Variants in TMEM273 observed in about 807,000 individuals in gnomAD.
The protein encoded by TMEM273 is chromosome 10 open reading frame 128.
TMEM273 carries 19 observed loss-of-function variants against 17.9 expected under a neutral mutation model. That is an observed-to-expected ratio of 1.06 (90% confidence interval 0.74 to 1.55). The LOEUF (loss-of-function observed/expected upper bound fraction) is 1.55. Among genes scored for constraint, TMEM273 ranks in the 40% most tolerant of loss-of-function variants. The pLI is 0.00. For missense variants in TMEM273, 194 were observed against 155.6 expected, an observed-to-expected ratio of 1.25 and a Z score of -1.31; for synonymous variants, 66 against 62.0, an observed-to-expected ratio of 1.07 and a Z score of -0.31.
intron 1 of TMEM273, among the ~76,000 whole-genome samples, chr10:49,186,123 A>AAGAAGAAGAGG (rs1564652601): frequency 2.5e-5 from 2 of 78,606 alleles, no homozygotes; most frequent in Admixed American, 2.2e-4. Context: ...AGAAGAAGAA[A>AAGAAGAAGAGG]AAGAGGAAGA....
chr10:49,188,206 G>T (rs1847840390), intron 1 of TMEM273, 88 bp downstream of exon 1: 2 of 1,408,822 alleles, frequency 1.4e-6, no homozygotes, highest in Admixed American at 3.5e-5. Flanking sequence ...TTATGTTTTA[G>T]GGATCAAGCC....
chr10:49,185,367 A>T (rs1847598131), intron 1 of TMEM273, among the ~76,000 whole-genome samples: 1 of 152,048 alleles, frequency 6.6e-6, no homozygotes, highest in African/African-American at 2.4e-5. Context: ...CCTGGATGCC[A>T]CAGAGGGACT....
chr10:49,180,157 A>G (rs558590538), intron 1 of TMEM273, among the ~76,000 whole-genome samples: 49 of 152,278 alleles, frequency 3.2e-4, no homozygotes, highest in African/African-American at 1.1e-3. Flanking sequence ...CCTTCCTGCT[A>G]GGAAAGAGTC....
intron 5 of TMEM273, among the ~76,000 whole-genome samples, chr10:49,163,111 C>G (rs2002728): frequency 2.6e-5 from 4 of 151,842 alleles, no homozygotes; most frequent in African/African-American, 7.2e-5. Flanking sequence ...CAGAGCTGCC[C>G]GGGGCAAAGG....
chr10:49,176,164 G>A (rs771385581), intron 1 of TMEM273, among the ~76,000 whole-genome samples: 19 of 152,192 alleles, frequency 1.2e-4, no homozygotes, highest in Non-Finnish European at 5.9e-5. Flanking sequence ...TGCACAGAGT[G>A]AGGTGCAGGC....
At chr10:49,163,228 C>T (rs1433823449) in intron 5 of TMEM273, among the ~76,000 whole-genome samples, 2 of 151,862 alleles carry the variant, frequency 1.3e-5, no homozygotes, top group Admixed American at 1.3e-4. Flanking sequence ...CGGCATGTTT[C>T]TTCTATAAAA....
chr10:49,175,861 G>A (rs1846925433), intron 1 of TMEM273, among the ~76,000 whole-genome samples: 1 of 152,204 alleles, frequency 6.6e-6, no homozygotes, highest in Non-Finnish European at 1.5e-5. Flanking sequence ...TGGTTGGGTG[G>A]ACAGTGGTAT....
At chr10:49,181,217 G>T (rs1030477934) in intron 1 of TMEM273, among the ~76,000 whole-genome samples, 5 of 152,060 alleles carry the variant, frequency 3.3e-5, no homozygotes, top group African/African-American at 1.2e-4. Context: ...AATCCAGAAG[G>T]ATCTTAATAA....
chr10:49,169,333 C>T (rs544877844), intron 1 of TMEM273, among the ~76,000 whole-genome samples: 125 of 152,366 alleles, frequency 8.2e-4, no homozygotes, highest in African/African-American at 2.9e-3. Context: ...CAAAGACATC[C>T]TCCACCCAAC....
At chr10:49,168,013 C>T (rs753411205) in intron 1 of TMEM273, 51 bp from the exon 2 acceptor site, 2 of 1,605,916 alleles carry the variant, frequency 1.2e-6, no homozygotes, top group East Asian at 4.5e-5. Flanking sequence ...TGGCTGTGGT[C>T]CCAGCTACCC....
chr10:49,168,722 G>GAGGT (rs1846362801), intron 1 of TMEM273, among the ~76,000 whole-genome samples: 1 of 144,136 alleles, frequency 6.9e-6, no homozygotes, highest in Non-Finnish European at 1.5e-5. Flanking sequence ...GGGAGGGAGG[G>GAGGT]TGGGAAGGAA....
At chr10:49,173,854 A>G (rs758019221) in intron 1 of TMEM273, among the ~76,000 whole-genome samples, 7 of 152,156 alleles carry the variant, frequency 4.6e-5, no homozygotes, top group Non-Finnish European at 2.9e-5. Context: ...TCAGCCACAG[A>G]GAGACAAGGG....
chr10:49,165,424 C>T (rs753680294), intron 4 of TMEM273, 141 bp from the exon 5 acceptor site: 28 of 1,502,476 alleles, frequency 1.9e-5, no homozygotes, highest in Middle Eastern at 2.4e-4. Flanking sequence ...GGACAAACCA[C>T]GTGTGACCTC....
intron 6 of TMEM273, among the ~76,000 whole-genome samples, chr10:49,156,814 G>A (rs1845541095): frequency 6.6e-6 from 1 of 152,176 alleles, no homozygotes; most frequent in African/African-American, 2.4e-5. Flanking sequence ...TAATGGTCAG[G>A]GATATAGAGC....
intron 1 of TMEM273, 72 bp downstream of exon 1, chr10:49,188,222 G>A: frequency 6.5e-7 from 1 of 1,550,182 alleles, no homozygotes; most frequent in Non-Finnish European, 8.9e-7. Flanking sequence ...AAGCCCCAGT[G>A]GGCTAAGGCT....
In TMEM273 at chr10:49,187,850, G is replaced by A. The variant is rs74328418; in HGVS notation, c.43+444C>T. ...CTGATTCAACATTAAATGTATACCA[G>A]TATCTACATGCCTACATGTTCTCAT... On this transcript the variant is annotated intron_variant, in intron 1 of 6. Coordinates refer to ENST00000374153, the MANE Select transcript of TMEM273 (RefSeq NM_001288740.3). Among the ~76,000 whole-genome samples, 316 of 152,304 alleles carry A rather than the reference G, an allele frequency of 2.1e-3. 10 individuals are homozygous for A. In the East Asian group the frequency reaches 0.055, roughly 27 times the overall value.
Position 49,155,498 on chromosome 10 carries a change from G to A in TMEM273, c.*394C>T. 2 of 233,986 alleles carry A rather than the reference G, an allele frequency of 8.5e-6. No homozygotes were observed. The highest frequency in any genetic ancestry group is 8.2e-6 in the Non-Finnish European group (1 of 122,680). 14.5% of individuals were successfully genotyped at this position (233,986 alleles called of 1,614,324 possible). A position where few individuals can be genotyped will look rare whatever the true frequency, so the allele number is the denominator to read the frequency against. On this transcript the variant is annotated 3_prime_UTR_variant, in exon 7 of 7. Transcript: ENST00000374153. ...GTAGTGCCTAACTGTTGATAAGATG[G>A]CAGTGTGTAGGAAGCTGTGTGTTGG... is the stretch of plus-strand genomic sequence containing the variant.
intron 4 of TMEM273, 67 bp downstream of exon 4, chr10:49,165,699 G>T (rs1384867004): frequency 6.3e-7 from 1 of 1,597,114 alleles, no homozygotes; most frequent in African/African-American, 1.3e-5. Flanking sequence ...GACAGGCAAG[G>T]GAGTGGCACG....
At chr10:49,185,845 G>T (rs756877276) in intron 1 of TMEM273, among the ~76,000 whole-genome samples, 47 of 151,868 alleles carry the variant, frequency 3.1e-4, no homozygotes, top group Non-Finnish European at 5.9e-4. Context: ...AGGTGCGGGG[G>T]CATGTGCCTG....
Sources: allele counts gnomAD v4.1 joint callset (sites outside exome capture counted in the v4.1 genomes callset), GRCh38; gene constraint gnomAD v4.1.1; transcripts MANE v1.5; gene names NCBI Gene and HGNC (gene_info 2026-07-23, HGNC 2026-07-21).